The following CSMD1 variants were observed in gnomAD, a reference collection of about 807,000 sequenced individuals.
CSMD1 encodes the protein CUB and Sushi multiple domains 1, also known as CUB and sushi domain-containing protein 1.
Under a neutral mutation model 417.5 loss-of-function variants are expected in CSMD1, and 213 were observed. The observed-to-expected ratio is 0.51, with a 90% CI of 0.46 to 0.57. CSMD1 has a LOEUF of 0.57. Ranked by LOEUF, CSMD1 falls within the 20% of genes least tolerant of loss-of-function variation. CSMD1 has a pLI of 0.00. For synonymous variants in CSMD1, 2,862 were observed against 1,736.8 expected (o/e 1.65, Z -16.11); for missense variants, 6,923 against 4,529.7 (o/e 1.53, Z -15.17).
intron 3 of CSMD1, among the ~76,000 whole-genome samples, chr8:4,086,454 C>A (rs1202359935): frequency 6.6e-6 from 1 of 152,188 alleles, no homozygotes; most frequent in Non-Finnish European, 1.5e-5. Context: ...TATTACTACA[C>A]TCTAATTCAT....
rs117480306 is a variant in CSMD1, at chr8:3,610,532, T to C, written c.1097+6178A>G. 1.2e-3 allele frequency among the ~76,000 whole-genome samples: 183 copies of C among 152,244 alleles called. 2 individuals are homozygous for C. The East Asian group carries it at 0.029, about 24-fold the overall frequency. ...TGTCTCTATAAAAATAAATAGGTCA[T>C]ATAAGTATATAATATAGGTCATGTA... On this transcript the variant is annotated intron_variant, in intron 8 of 69. Transcript: ENST00000635120.
At chr8:4,456,857 G>A (rs555158785) in intron 2 of CSMD1, among the ~76,000 whole-genome samples, 2 of 152,078 alleles carry the variant, frequency 1.3e-5, no homozygotes, top group South Asian at 2.1e-4. Context: ...ACCAAGCCTG[G>A]CCCTGGGCAC....
rs571984359 is a variant in CSMD1 at position 4,795,252 on chromosome 8, CTTTTTTTTTTTTTTT to C, written c.86-157709_86-157695del. 6.1e-3 allele frequency among the ~76,000 whole-genome samples: 284 copies of C among 46,222 alleles called. 2 individuals carry two copies. The highest frequency in any genetic ancestry group is 0.02 in the African/African-American group (271 of 13,834). The allele number at this position is 46,222 out of a possible 152,430, so 30.3% of individuals were successfully genotyped here. A position where few individuals can be genotyped will look rare whatever the true frequency, so the allele number is the denominator to read the frequency against. ...ATTTCTAGGTCTGCTGGTGTCATAG[CTTTTTTTTTTTTTTT>C]TTTTTTTTTTTTTTTTTTTTTTGAG... On this transcript the variant is annotated intron_variant, in intron 1 of 69. Transcript: ENST00000635120.
At chr8:4,374,469 G>A (rs1802591681) in intron 3 of CSMD1, among the ~76,000 whole-genome samples, 1 of 152,080 alleles carries the variant, frequency 6.6e-6, no homozygotes, top group Non-Finnish European at 1.5e-5. Flanking sequence ...GGAGTGAAAG[G>A]AAGACAGCTT....
chr8:3,822,574 T>C (rs1223908899), intron 5 of CSMD1, among the ~76,000 whole-genome samples: 1 of 152,198 alleles, frequency 6.6e-6, no homozygotes, highest in Non-Finnish European at 1.5e-5. Flanking sequence ...TATCACTTCA[T>C]GGGTTTATTG....
chr8:3,466,489 A>C (rs1816796336), intron 12 of CSMD1, among the ~76,000 whole-genome samples: 1 of 151,858 alleles, frequency 6.6e-6, no homozygotes, highest in Non-Finnish European at 1.5e-5. Flanking sequence ...GGCTCACTGC[A>C]AGCTCCACTA....
chr8:4,911,868 C>G (rs1194209518), intron 1 of CSMD1, among the ~76,000 whole-genome samples: 3 of 152,002 alleles, frequency 2.0e-5, no homozygotes, highest in African/African-American at 7.2e-5. Flanking sequence ...CAATTCCTCT[C>G]TGAGGCTTCT....
intron 1 of CSMD1, among the ~76,000 whole-genome samples, chr8:4,942,969 G>C (rs1189852905): frequency 1.3e-5 from 2 of 152,108 alleles, no homozygotes; most frequent in African/African-American, 4.8e-5. Context: ...GATAGCTTAA[G>C]GCAGCTTCCC....
At chr8:3,192,164 G>C (rs1045663763) in intron 33 of CSMD1, among the ~76,000 whole-genome samples, 2 of 152,140 alleles carry the variant, frequency 1.3e-5, no homozygotes, top group African/African-American at 4.8e-5. Flanking sequence ...ATTAATAAAA[G>C]TGTCTACCTT....
At chr8:3,928,687 T>G (rs1308493191) in intron 5 of CSMD1, among the ~76,000 whole-genome samples, 1 of 150,368 alleles carries the variant, frequency 6.7e-6, no homozygotes, top group Non-Finnish European at 1.5e-5. Flanking sequence ...TTTTTTAAAT[T>G]GCTCCTGCTC....
At chr8:4,073,580 T>C (rs913851014) in intron 3 of CSMD1, among the ~76,000 whole-genome samples, 10 of 152,170 alleles carry the variant, frequency 6.6e-5, no homozygotes, top group African/African-American at 2.4e-4. Flanking sequence ...GTATGAGGGA[T>C]ATATTCACTT....
intron 3 of CSMD1, among the ~76,000 whole-genome samples, chr8:4,220,517 C>G (rs1800963366): frequency 6.6e-6 from 1 of 152,130 alleles, no homozygotes; most frequent in Non-Finnish European, 1.5e-5. Flanking sequence ...AATCCTAGTG[C>G]AAGAGTGGAA....
chr8:4,985,115 A>G (rs891753581), intron 1 of CSMD1, among the ~76,000 whole-genome samples: 1 of 152,200 alleles, frequency 6.6e-6, no homozygotes, highest in Non-Finnish European at 1.5e-5. Flanking sequence ...CTAGGAACAG[A>G]AAATCAAATA....
intron 3 of CSMD1, among the ~76,000 whole-genome samples, chr8:4,129,257 G>C (rs901820984): frequency 6.6e-6 from 1 of 151,978 alleles, no homozygotes; most frequent in Admixed American, 6.6e-5. Context: ...GTCTCCTGGG[G>C]AGCCTTCAGA....
chr8:3,141,678 T>C (rs1431545811), intron 41 of CSMD1, among the ~76,000 whole-genome samples: 3 of 152,110 alleles, frequency 2.0e-5, no homozygotes, highest in Non-Finnish European at 4.4e-5. Context: ...GCCCAACCAG[T>C]TCTGCCATCG....
At chr8:3,286,553 T>TC (rs1803174107) in intron 25 of CSMD1, among the ~76,000 whole-genome samples, 1 of 152,194 alleles carries the variant, frequency 6.6e-6, no homozygotes, top group African/African-American at 2.4e-5. Context: ...ATTGTGGTTT[T>TC]GATTTGCATT....
chr8:4,450,972 A>G (rs1002061228), intron 2 of CSMD1, among the ~76,000 whole-genome samples: 1 of 152,064 alleles, frequency 6.6e-6, no homozygotes, highest in Non-Finnish European at 1.5e-5. Context: ...GTAACGTATT[A>G]TATTTGGGTA....
At chr8:3,682,787 C>T (rs1179094118) in intron 7 of CSMD1, among the ~76,000 whole-genome samples, 2 of 152,156 alleles carry the variant, frequency 1.3e-5, no homozygotes, top group Admixed American at 6.6e-5. Flanking sequence ...GACTTGGATC[C>T]AACCTAAATG....
chr8:4,859,261 C>T (rs922538124), intron 1 of CSMD1, among the ~76,000 whole-genome samples: 39 of 150,830 alleles, frequency 2.6e-4, no homozygotes, highest in African/African-American at 9.5e-4. Flanking sequence ...ATACAAAAAT[C>T]AATTCAAGAT....
Sources: gnomAD v4.1 joint callset for allele counts (sites outside exome capture counted in the v4.1 genomes callset) on GRCh38, gnomAD v4.1.1 for gene constraint, MANE v1.5 for transcripts, NCBI Gene and HGNC (gene_info 2026-07-23, HGNC 2026-07-21) for gene names.